The following FRY variants were observed in gnomAD, a reference collection of about 807,000 sequenced individuals.
FRY encodes the protein protein furry homolog.
FRY carries 128 observed loss-of-function variants against 348.4 expected under a neutral mutation model. That is an observed-to-expected ratio of 0.37 (90% CI 0.32 to 0.43). The LOEUF (loss-of-function observed/expected upper bound fraction) is 0.43. Ranked by LOEUF, FRY falls within the 20% of genes least tolerant of loss-of-function variation. The probability of loss-of-function intolerance (pLI) is 1.00; values close to 1 mark genes in which losing one functional copy is unlikely to be tolerated. For missense variants in FRY, 2,736 were observed against 3,695.2 expected (o/e 0.74, Z 6.73); for synonymous variants, 1,370 against 1,374.7 (o/e 1.00, Z 0.08).
At chr13:32,090,478 A>C (rs1411719036) in intron 2 of FRY, among the ~76,000 whole-genome samples, 1 of 152,072 alleles carries the variant, frequency 6.6e-6, no homozygotes, top group Non-Finnish European at 1.5e-5. Context: ...GGAAGGGTGG[A>C]AGACAGGGGT....
Position 32,124,584 on chromosome 13 carries a change from A to G in FRY, c.556-18A>G, listed in dbSNP as rs369133704. On this transcript the variant is annotated intron_variant, in intron 5 of 60. Transcript: ENST00000542859. ...TTTAATATTCCCTTCTGAGTTAAGA[A>G]CCACCTTTTTTTTTCAGATTCCACT... is the stretch of plus-strand genomic sequence containing the variant. 2.1e-5 allele frequency: 31 copies of G among 1,483,212 alleles called. No individual in the cohort carries two copies. In the Admixed American group the frequency reaches 3.2e-4, roughly 15 times the overall value. 91.9% of individuals were successfully genotyped at this position (1,483,212 alleles called of 1,614,324 possible).
intron 3 of FRY, 84 bp from the exon 4 acceptor site, chr13:32,117,250 G>T: frequency 8.0e-7 from 1 of 1,250,908 alleles, no homozygotes; most frequent in Non-Finnish European, 1.2e-6. Context: ...AGTGAGTAGT[G>T]CTTGGGGTTA....
In FRY at chr13:32,160,599, G is replaced by T. The variant is rs935801377; in HGVS notation, c.1785-545G>T. Among the ~76,000 whole-genome samples the T allele has an allele frequency of 2.0e-5, 3 of 152,112 alleles. No individual in the cohort carries two copies. The South Asian group carries it at 6.2e-4, about 31-fold the overall frequency. On this transcript the variant is annotated intron_variant, in intron 16 of 60. Coordinates refer to ENST00000542859, the MANE Select transcript of FRY (RefSeq NM_023037.3). ...GAGGCCCATCGGTATCACTTTAAAA[G>T]TCAGAAATGGGTGCACAACTATATA...
intron 1 of FRY, among the ~76,000 whole-genome samples, chr13:32,036,236 A>C (rs1039938741): frequency 6.6e-6 from 1 of 152,224 alleles, no homozygotes; most frequent in Non-Finnish European, 1.5e-5. Flanking sequence ...AAAGGGGTAC[A>C]GATCAAGTGC....
intron 59 of FRY, among the ~76,000 whole-genome samples, chr13:32,293,538 GA>G (rs551290003): frequency 1.5e-3 from 229 of 151,650 alleles, no homozygotes; most frequent in Middle Eastern, 6.8e-3. Context: ...TTACAAAGAG[GA>G]AAAAAAACCT....
chr13:32,164,994 T>C (rs1200208425), intron 17 of FRY, among the ~76,000 whole-genome samples: 1 of 152,242 alleles, frequency 6.6e-6, no homozygotes. Context: ...GTTTATTATT[T>C]TTAGATATCT....
chr13:32,196,835 C>CA (rs1224559109), intron 29 of FRY, among the ~76,000 whole-genome samples: 5 of 152,094 alleles, frequency 3.3e-5, no homozygotes, highest in South Asian at 4.1e-4. Context: ...TAATTTAGTA[C>CA]AAAAAATTGC....
intron 24 of FRY, 82 bp from the exon 25 acceptor site, chr13:32,184,518 C>A (rs1310198023): frequency 1.2e-6 from 1 of 820,312 alleles, no homozygotes; most frequent in Non-Finnish European, 2.1e-6. Flanking sequence ...CTAGATTATG[C>A]CTTTTGTTAA....
In FRY at chr13:32,209,476, C is replaced by G. The variant is rs938847689; in HGVS notation, c.4276-109C>G. On this transcript the variant is annotated intron_variant, in intron 32 of 60. Transcript: ENST00000542859. ...TTCTGATAAATGGTCATGTTTACCC[C>G]TTCTTATGATTTTGAGACGGTCATG... The G allele has an allele frequency of 2.9e-6, 3 of 1,033,112 alleles. No homozygotes were observed. The African/African-American group carries it at 4.7e-5, about 16-fold the overall frequency. 64.0% of individuals were successfully genotyped at this position (1,033,112 alleles called of 1,614,324 possible).
chr13:32,248,622 G>A (rs1362365339), intron 48 of FRY, among the ~76,000 whole-genome samples: 1 of 152,006 alleles, frequency 6.6e-6, no homozygotes, highest in Non-Finnish European at 1.5e-5. Context: ...TTATACAATG[G>A]TCCTCACTGA....
chr13:32,120,556 T>C (rs1404467232), intron 4 of FRY, among the ~76,000 whole-genome samples: 1 of 152,250 alleles, frequency 6.6e-6, no homozygotes, highest in African/African-American at 2.4e-5. Context: ...GAGATTTTGG[T>C]GCACCCATCA....
In FRY at chr13:32,261,759, T is replaced by C. The variant is rs774989232; in HGVS notation, c.7560T>C (p.Asp2520=). The part of the protein sequence containing the change: ...SLNKMHHEDS[D]ESSEEEDLTA... ...ATAAAATGCACCATGAGGACTCCGATGAATCATCCGAGGAGGAGGACCTCA... is the reference window on the plus strand; with the variant it reads ...ATAAAATGCACCATGAGGACTCCGACGAATCATCCGAGGAGGAGGACCTCA... Residue 2520 remains aspartate (D), a synonymous_variant, in exon 52 of 61, where the codon GAT becomes GAC. Transcript: ENST00000542859. The C allele has an allele frequency of 1.8e-5, 29 of 1,614,078 alleles. 1 individual carries two copies. In the Admixed American group the frequency reaches 4.8e-4, roughly 27 times the overall value.
At chr13:32,254,907 A>T (rs1343197367) in intron 51 of FRY, among the ~76,000 whole-genome samples, 2 of 152,138 alleles carry the variant, frequency 1.3e-5, no homozygotes, top group African/African-American at 2.4e-5. Context: ...CACACAAGAG[A>T]GCTCTTTGCT....
At chr13:32,263,349 A>G (rs1251757726) in intron 53 of FRY, among the ~76,000 whole-genome samples, 2 of 152,372 alleles carry the variant, frequency 1.3e-5, no homozygotes, top group South Asian at 4.1e-4. Flanking sequence ...CTCTGATAGC[A>G]TAGTAAAAAT....
At chr13:32,216,585 C>T (rs1255871222) in intron 35 of FRY, among the ~76,000 whole-genome samples, 1 of 152,196 alleles carries the variant, frequency 6.6e-6, no homozygotes, top group South Asian at 2.1e-4. Context: ...CTCCACCCGA[C>T]GGAAACCTGC....
intron 17 of FRY, among the ~76,000 whole-genome samples, chr13:32,169,193 T>C (rs1280278099): frequency 6.6e-6 from 1 of 152,194 alleles, no homozygotes; most frequent in African/African-American, 2.4e-5. Flanking sequence ...CCCTCACCAC[T>C]TGTTGCTTAA....
chr13:32,142,277 A>G lies in FRY; in HGVS notation c.1180-5005A>G, dbSNP rs1286704913. ...GCCAGATTGCCTAGGTTCAGATTCT[A>G]GCACTGTCATTTATTAGCTGTGTGA... is the stretch of plus-strand genomic sequence containing the variant. On this transcript the variant is annotated intron_variant, in intron 11 of 60. Transcript: ENST00000542859. Among the ~76,000 whole-genome samples, 4 of 152,220 alleles carry G rather than the reference A, an allele frequency of 2.6e-5. No homozygotes were observed. The East Asian group carries it at 7.7e-4, about 29-fold the overall frequency.
At position 32,287,107 on chromosome 13, in the gene FRY, A is replaced by G. The variant is rs565825864; in HGVS notation, c.8470-2526A>G. Reference sequence around the variant, plus strand: ...TTGAACCCAGGAGGCGGAGGTTGCAATGAGCCAAAATCGTGCCACTGTACT... The same window carrying G: ...TTGAACCCAGGAGGCGGAGGTTGCAGTGAGCCAAAATCGTGCCACTGTACT... On this transcript the variant is annotated intron_variant, in intron 58 of 60. Coordinates refer to ENST00000542859, the MANE Select transcript of FRY (RefSeq NM_023037.3). 4.7e-3 allele frequency among the ~76,000 whole-genome samples: 715 copies of G among 151,700 alleles called. 4 individuals carry two copies. The highest frequency in any genetic ancestry group is 7.7e-3 in the Non-Finnish European group (522 of 67,842).
chr13:32,059,745 T>A lies in FRY; in HGVS notation c.71-19089T>A, dbSNP rs184623849. On this transcript the variant is annotated intron_variant, in intron 1 of 60. Coordinates refer to ENST00000542859, the MANE Select transcript of FRY (RefSeq NM_023037.3). ...ATTCCCCTCTGCATTGGATTCCTAGTTATATACAGAATGAGAAGGACTTTA... is the reference window on the plus strand; with the variant it reads ...ATTCCCCTCTGCATTGGATTCCTAGATATATACAGAATGAGAAGGACTTTA... Among the ~76,000 whole-genome samples, 46 of 152,274 alleles carry A rather than the reference T, an allele frequency of 3.0e-4. 1 individual carries two copies. The East Asian group carries it at 8.7e-3, about 29-fold the overall frequency.
Sources: allele counts gnomAD v4.1 joint callset (sites outside exome capture counted in the v4.1 genomes callset), GRCh38; gene constraint gnomAD v4.1.1; transcripts MANE v1.5; gene names NCBI Gene and HGNC (gene_info 2026-07-23, HGNC 2026-07-21).